Variants in ADAMTS2 observed in about 807,000 individuals in gnomAD.
ADAMTS2 encodes the protein A disintegrin and metalloproteinase with thrombospondin motifs 2.
In ADAMTS2, 50 loss-of-function variants were observed where a neutral mutation model predicts 123.0. The observed-to-expected ratio is 0.41, with a 90% CI of 0.32 to 0.51. ADAMTS2 has a LOEUF of 0.51. ADAMTS2 is among the 20% of genes least tolerant of loss of function. The pLI is 0.35. For synonymous variants in ADAMTS2, 678 were observed against 695.4 expected, an observed-to-expected ratio of 0.98 and a Z score of 0.39; for missense variants, 1,494 against 1,705.2, an observed-to-expected ratio of 0.88 and a Z score of 2.18.
rs1251079287 is a variant in ADAMTS2, at chr5:179,228,204, G to A, written c.689-20489C>T. The stretch of plus-strand genomic sequence containing the variant: ...GGGCGGCCTCCAGGATGAATCAGCT[G>A]CAGAGCACCGCAGTGGCGCACACAG... On this transcript the variant is annotated intron_variant, in intron 3 of 21. Coordinates refer to ENST00000251582, the MANE Select transcript of ADAMTS2 (RefSeq NM_014244.5). The surrounding 1 kb of genome is among the most constrained non-coding windows in gnomAD (Gnocchi z 5.2). Among the ~76,000 whole-genome samples, 1 of 152,204 alleles carries A rather than the reference G, an allele frequency of 6.6e-6. No individual in the cohort carries two copies. The highest frequency in any genetic ancestry group is 1.5e-5 in the Non-Finnish European group (1 of 68,032).
intron 10 of ADAMTS2, among the ~76,000 whole-genome samples, chr5:179,143,125 T>C (rs1330533125): frequency 2.0e-5 from 3 of 151,966 alleles, no homozygotes; most frequent in Non-Finnish European, 4.4e-5. Flanking sequence ...AGTAAAGAGA[T>C]AGAAATTATA....
At position 179,272,854 on chromosome 5, in the gene ADAMTS2, G is replaced by A; in HGVS notation, c.688+57C>T. The A allele has an allele frequency of 6.3e-7, 1 of 1,583,334 alleles. No homozygotes were observed. Among genetic ancestry groups the A allele is most frequent in the Non-Finnish European group, 8.6e-7 (1 of 1,169,440 alleles). Reference sequence around the variant, plus strand: ...GCCTGAGTCTCTGGGATGCTCCCCTGGGGACCAGGGCCTCAGAGGGCTCTC... The same window carrying A: ...GCCTGAGTCTCTGGGATGCTCCCCTAGGGACCAGGGCCTCAGAGGGCTCTC... On this transcript the variant is annotated intron_variant, in intron 3 of 21. Coordinates refer to ENST00000251582, the MANE Select transcript of ADAMTS2 (RefSeq NM_014244.5). The surrounding 1 kb of genome is among the most constrained non-coding windows in gnomAD (Gnocchi z 5.8).
Position 179,129,815 on chromosome 5 carries a change from A to C in ADAMTS2, c.2457+117T>G. 5 of 1,406,034 alleles carry C rather than the reference A, an allele frequency of 3.6e-6. No homozygotes were observed. The highest frequency in any genetic ancestry group is 1.4e-5 in the African/African-American group (1 of 70,928). The allele number at this position is 1,406,034 out of a possible 1,614,324, so 87.1% of individuals were successfully genotyped here. The stretch of plus-strand genomic sequence containing the variant: ...GCCCCTTGGTGCCAAAGGCAGGCCA[A>C]AGGGGCCACGCAGAGTGTCACCTGA... On this transcript the variant is annotated intron_variant, in intron 16 of 21. Coordinates refer to ENST00000251582, the MANE Select transcript of ADAMTS2 (RefSeq NM_014244.5). The surrounding 1 kb of genome is among the most constrained non-coding windows in gnomAD (Gnocchi z 4.1).
At chr5:179,343,701 G>C (rs1757847620) in intron 2 of ADAMTS2, 66 bp downstream of exon 2, 1 of 1,568,288 alleles carries the variant, frequency 6.4e-7, no homozygotes. Flanking sequence ...GGACTCCCAG[G>C]TAACCCTTTT....
intron 12 of ADAMTS2, 113 bp from the exon 13 acceptor site, chr5:179,136,155 C>G: frequency 1.1e-5 from 17 of 1,500,310 alleles, no homozygotes; most frequent in Non-Finnish European, 1.6e-5. Flanking sequence ...GTGGCCCACC[C>G]TCCAGGGCAG....
intron 11 of ADAMTS2, 120 bp from the exon 12 acceptor site, chr5:179,138,064 T>C: frequency 8.4e-7 from 1 of 1,183,816 alleles, no homozygotes; most frequent in East Asian, 2.6e-5. Context: ...GGGGCAGCTC[T>C]GCTGAGCAAA....
chr5:179,156,295 A>C (rs1040350344), intron 6 of ADAMTS2, among the ~76,000 whole-genome samples: 3 of 149,704 alleles, frequency 2.0e-5, no homozygotes, highest in African/African-American at 7.4e-5. Context: ...CTTTTCTCTC[A>C]TGTTAATCTT....
At chr5:179,208,519 C>G (rs928677099) in intron 3 of ADAMTS2, among the ~76,000 whole-genome samples, 3 of 152,186 alleles carry the variant, frequency 2.0e-5, no homozygotes, top group Non-Finnish European at 2.9e-5. Context: ...CCCCTGGCCA[C>G]TTGGGGCTGC....
intron 2 of ADAMTS2, among the ~76,000 whole-genome samples, chr5:179,322,312 C>T (rs184769780): frequency 2.9e-3 from 441 of 152,288 alleles, no homozygotes; most frequent in African/African-American, 0.01. Flanking sequence ...ACCCACGGCC[C>T]GTGCCTTCTT....
At position 179,318,993 on chromosome 5, in the gene ADAMTS2, C is replaced by A. The variant is rs192516308; in HGVS notation, c.534+24774G>T. ...ACGCTATTTCTCTCCTGTCTTCCTC[C>A]AGCTGAAGATTTCACACAGCCCTGT... On this transcript the variant is annotated intron_variant, in intron 2 of 21. Transcript: ENST00000251582. Among the ~76,000 whole-genome samples the A allele has an allele frequency of 4.6e-5, 7 of 152,342 alleles. No homozygotes were observed. In the East Asian group the frequency reaches 1.3e-3, roughly 29 times the overall value.
intron 3 of ADAMTS2, among the ~76,000 whole-genome samples, chr5:179,269,137 G>A (rs531054053): frequency 6.6e-6 from 1 of 152,324 alleles, no homozygotes; most frequent in Non-Finnish European, 1.5e-5. Flanking sequence ...TTGGCATGAT[G>A]CAGCCACAAG....
At chr5:179,204,060 G>A (rs752363840) in intron 4 of ADAMTS2, among the ~76,000 whole-genome samples, 1 of 152,216 alleles carries the variant, frequency 6.6e-6, no homozygotes, top group East Asian at 1.9e-4. Flanking sequence ...GGATGGCCCC[G>A]AGGATGTCAT....
chr5:179,132,248 CG>C lies in ADAMTS2; in HGVS notation c.2271del (p.Asp757GlufsTer19). On this transcript the variant is annotated frameshift_variant, in exon 15 of 22. Transcript: ENST00000251582. LOFTEE classifies it high-confidence loss of function. This position sits in a 1 kb window ranked among gnomAD's most constrained non-coding sequence, Gnocchi z 6.1. Reference sequence around the variant, plus strand: ...GACTCACCCAGATGGTGGCTGGTGGCGTCTACCTCCTGAATGAGCAGGTGTC... The same window carrying C: ...GACTCACCCAGATGGTGGCTGGTGGCTCTACCTCCTGAATGAGCAGGTGTC... ...GARHLLIQEVDATSHHLAVKN... is the reference protein window; with the variant it reads ...GARHLLIQEVXATSHHLAVKN... The C allele has an allele frequency of 6.2e-7, 1 of 1,614,094 alleles. No individual in the cohort carries two copies. The highest frequency in any genetic ancestry group is 8.5e-7 in the Non-Finnish European group (1 of 1,180,024).
intron 3 of ADAMTS2, among the ~76,000 whole-genome samples, chr5:179,224,252 TC>T (rs1765219368): frequency 6.6e-6 from 1 of 152,160 alleles, no homozygotes; most frequent in African/African-American, 2.4e-5. Flanking sequence ...CTCCTCTTTT[TC>T]TTGGGAGCTG....
At chr5:179,287,194 T>C (rs1756045887) in intron 2 of ADAMTS2, among the ~76,000 whole-genome samples, 1 of 152,052 alleles carries the variant, frequency 6.6e-6, no homozygotes, top group African/African-American at 2.4e-5. Context: ...AATGCCAGGA[T>C]CACTCCCCAG....
chr5:179,140,457 C>G (rs533278528), intron 10 of ADAMTS2, among the ~76,000 whole-genome samples: 2 of 152,196 alleles, frequency 1.3e-5, no homozygotes, highest in Admixed American at 6.5e-5. Context: ...AGAGGAAATA[C>G]TATGGAAAAA....
At chr5:179,266,226 C>T (rs890052025) in intron 3 of ADAMTS2, among the ~76,000 whole-genome samples, 10 of 152,194 alleles carry the variant, frequency 6.6e-5, no homozygotes, top group African/African-American at 1.9e-4. Flanking sequence ...TCATGACCCC[C>T]GGACGTCCAT....
At chr5:179,222,573 A>C (rs1765151685) in intron 3 of ADAMTS2, among the ~76,000 whole-genome samples, 7 of 152,222 alleles carry the variant, frequency 4.6e-5, no homozygotes, top group Admixed American at 4.6e-4. Context: ...CTGGCCGGGC[A>C]GAAACTATAG....
chr5:179,199,074 G>A (rs1369768140), intron 4 of ADAMTS2, among the ~76,000 whole-genome samples: 1 of 152,188 alleles, frequency 6.6e-6, no homozygotes, highest in Non-Finnish European at 1.5e-5. Flanking sequence ...CAGGCTATGG[G>A]GTCTGAGCGC....
Sources: gnomAD v4.1 joint callset for allele counts (sites outside exome capture counted in the v4.1 genomes callset) on GRCh38, gnomAD v4.1.1 for gene constraint, Gnocchi (gnomAD v3.1) non-coding constraint, MANE v1.5 for transcripts, NCBI Gene and HGNC (gene_info 2026-07-23, HGNC 2026-07-21) for gene names.